PDGFC: variants seen among roughly 807,000 people sequenced by gnomAD.
PDGFC encodes platelet derived growth factor C.
Under a neutral mutation model 35.5 loss-of-function variants are expected in PDGFC, and 12 were observed. That is an observed-to-expected ratio of 0.34 (90% CI 0.22 to 0.55). The LOEUF (loss-of-function observed/expected upper bound fraction) is 0.55. Among genes scored for constraint, PDGFC ranks in the 20% least tolerant of loss-of-function variants. The probability of loss-of-function intolerance (pLI) is 0.91; values close to 1 mark genes in which losing one functional copy is unlikely to be tolerated. For synonymous variants in PDGFC, 159 were observed against 148.8 expected, an observed-to-expected ratio of 1.07 and a Z score of -0.50; for missense variants, 322 against 412.4, an observed-to-expected ratio of 0.78 and a Z score of 1.90.
At position 156,916,142 on chromosome 4, in the gene PDGFC, A is replaced by T. The variant is rs1378086764; in HGVS notation, c.118+54644T>A. 2.6e-5 allele frequency among the ~76,000 whole-genome samples: 4 copies of T among 152,044 alleles called. No individual in the cohort carries two copies. In the East Asian group the frequency reaches 7.8e-4, roughly 30 times the overall value. ...TTATAAACCTCCTTTCTCCTATTTC[A>T]TTCATGAACAAAATTCTAAGATCTT... On this transcript the variant is annotated intron_variant, in intron 1 of 5. Transcript: ENST00000502773.
At chr4:156,834,450 A>C (rs1333643749) in intron 2 of PDGFC, among the ~76,000 whole-genome samples, 1 of 152,168 alleles carries the variant, frequency 6.6e-6, no homozygotes, top group Non-Finnish European at 1.5e-5. Context: ...TAGAAGCAAT[A>C]AATTATGACT....
chr4:156,914,452 T>C (rs557059297), intron 1 of PDGFC, among the ~76,000 whole-genome samples: 1 of 152,132 alleles, frequency 6.6e-6, no homozygotes, highest in Non-Finnish European at 1.5e-5. Context: ...CCTTATTAAA[T>C]GTAAACTGAA....
intron 1 of PDGFC, among the ~76,000 whole-genome samples, chr4:156,920,590 G>A (rs1731249567): frequency 6.7e-6 from 1 of 149,252 alleles, no homozygotes; most frequent in Admixed American, 6.7e-5. Context: ...ATCTAAGAAA[G>A]TATACTTTGA....
intron 1 of PDGFC, among the ~76,000 whole-genome samples, chr4:156,915,709 C>T (rs771591111): frequency 1.3e-5 from 2 of 151,918 alleles, no homozygotes; most frequent in Non-Finnish European, 2.9e-5. Context: ...AGAAGAATCC[C>T]GGCAGAGGTT....
At chr4:156,882,102 A>C (rs1398747022) in intron 1 of PDGFC, among the ~76,000 whole-genome samples, 1 of 152,124 alleles carries the variant, frequency 6.6e-6, no homozygotes, top group African/African-American at 2.4e-5. Flanking sequence ...AATTTGAAGT[A>C]TGACTGTATC....
intron 2 of PDGFC, among the ~76,000 whole-genome samples, chr4:156,816,898 G>A (rs1035810216): frequency 3.9e-5 from 6 of 152,226 alleles, no homozygotes; most frequent in African/African-American, 1.4e-4. Context: ...AGTCAATGTG[G>A]TAATTTAGGC....
At chr4:156,767,667 A>T in intron 5 of PDGFC, 106 bp downstream of exon 5, 1 of 699,378 alleles carries the variant, frequency 1.4e-6, no homozygotes, top group Non-Finnish European at 2.5e-6. Flanking sequence ...TTTTTTCCCC[A>T]TGAATACTAC....
rs534358151 is a variant in PDGFC, at chr4:156,764,011, C to T, written c.922-805G>A. 1.1e-4 allele frequency among the ~76,000 whole-genome samples: 16 copies of T among 152,238 alleles called. No individual in the cohort carries two copies. In the East Asian group the frequency reaches 2.7e-3, roughly 26 times the overall value. ...ATATTAATTAAAGTATTTGGTGTTG[C>T]TACCTATTTAAGTGTATTACATTTT... On this transcript the variant is annotated intron_variant, in intron 5 of 5. Coordinates refer to ENST00000502773, the MANE Select transcript of PDGFC (RefSeq NM_016205.3).
At chr4:156,875,206 G>A (rs963404098) in intron 1 of PDGFC, among the ~76,000 whole-genome samples, 3 of 152,178 alleles carry the variant, frequency 2.0e-5, no homozygotes, top group African/African-American at 7.2e-5. Context: ...CAAGTTAACT[G>A]TTATCAACAG....
chr4:156,832,253 C>CTTT (rs542396769), intron 2 of PDGFC, among the ~76,000 whole-genome samples: 52 of 121,110 alleles, frequency 4.3e-4, no homozygotes, highest in South Asian at 5.3e-4. Context: ...TTCTTTCTTT[C>CTTT]TTTTTTTTTT....
intron 1 of PDGFC, among the ~76,000 whole-genome samples, chr4:156,950,726 A>T (rs886914159): frequency 2.0e-5 from 3 of 151,850 alleles, no homozygotes; most frequent in African/African-American, 7.2e-5. Context: ...AAATCAGAAA[A>T]AAAATCTATT....
Position 156,839,657 on chromosome 4 carries a change from A to G in PDGFC, c.314+10564T>C, listed in dbSNP as rs187187139. 1.8e-4 allele frequency among the ~76,000 whole-genome samples: 28 copies of G among 152,296 alleles called. No homozygotes were observed. In the East Asian group the frequency reaches 5.4e-3, roughly 29 times the overall value. On this transcript the variant is annotated intron_variant, in intron 2 of 5. Transcript: ENST00000502773. Reference sequence around the variant, plus strand: ...GCAGAAACTGGAACCATTTGGAGGGATCAGAAGAAGACAGGAAAATATGGG... The same window carrying G: ...GCAGAAACTGGAACCATTTGGAGGGGTCAGAAGAAGACAGGAAAATATGGG...
intron 2 of PDGFC, 118 bp downstream of exon 2, chr4:156,850,103 T>C (rs569147603): frequency 1.9e-6 from 1 of 527,850 alleles, no homozygotes; most frequent in African/African-American, 1.9e-5. Flanking sequence ...GGAAATTTCT[T>C]AGATCATCAG....
chr4:156,862,546 C>A (rs17035353), intron 1 of PDGFC, among the ~76,000 whole-genome samples: 13 of 151,982 alleles, frequency 8.6e-5, no homozygotes, highest in African/African-American at 2.9e-4. Flanking sequence ...TTGCTTGTTG[C>A]CATGGTCTGT....
intron 1 of PDGFC, among the ~76,000 whole-genome samples, chr4:156,921,094 A>C (rs1560873829): frequency 6.6e-6 from 1 of 152,184 alleles, no homozygotes; most frequent in Non-Finnish European, 1.5e-5. Flanking sequence ...CAGTCAAAAA[A>C]TTTTAAGATT....
intron 1 of PDGFC, among the ~76,000 whole-genome samples, chr4:156,931,645 G>A (rs1172295137): frequency 6.6e-6 from 1 of 151,952 alleles, no homozygotes; most frequent in African/African-American, 2.4e-5. Flanking sequence ...AAGTTTACTG[G>A]CCCCTACTCC....
intron 3 of PDGFC, among the ~76,000 whole-genome samples, chr4:156,777,227 T>C (rs1340089555): frequency 2.6e-5 from 4 of 152,148 alleles, no homozygotes; most frequent in Admixed American, 2.0e-4. Flanking sequence ...GGCTTATAAA[T>C]AGAAGCAGTA....
At chr4:156,959,320 C>G (rs1732284333) in intron 1 of PDGFC, among the ~76,000 whole-genome samples, 1 of 151,834 alleles carries the variant, frequency 6.6e-6, no homozygotes, top group Non-Finnish European at 1.5e-5. Context: ...GGTCACCATC[C>G]TATAAAACAT....
chr4:156,922,789 A>G lies in PDGFC; in HGVS notation c.118+47997T>C, dbSNP rs1374494903. Among the ~76,000 whole-genome samples the G allele has an allele frequency of 2.0e-5, 3 of 152,250 alleles. No individual in the cohort carries two copies. The East Asian group carries it at 5.8e-4, about 29-fold the overall frequency. On this transcript the variant is annotated intron_variant, in intron 1 of 5. Coordinates refer to ENST00000502773, the MANE Select transcript of PDGFC (RefSeq NM_016205.3). ...GCCAGTGAAGAGATCGAGGAAGCAG[A>G]GGAGTGCTGGGAAGTTGGGTCAAAA...
Sources: allele counts gnomAD v4.1 joint callset (sites outside exome capture counted in the v4.1 genomes callset), GRCh38; gene constraint gnomAD v4.1.1; transcripts MANE v1.5; gene names NCBI Gene and HGNC (gene_info 2026-07-23, HGNC 2026-07-21).